The following CA10 variants were observed in gnomAD, a reference collection of about 807,000 sequenced individuals.
CA10 encodes carbonic anhydrase 10 (inactive).
Under a neutral mutation model 44.2 loss-of-function variants are expected in CA10, and 14 were observed. The ratio of observed to expected loss-of-function variants is 0.32; its 90% confidence interval spans 0.21 to 0.50. The LOEUF (loss-of-function observed/expected upper bound fraction) is 0.50, where lower values mean the gene tolerates loss of function less well. Ranked by LOEUF, CA10 falls within the 20% of genes least tolerant of loss-of-function variation. The probability of loss-of-function intolerance (pLI) is 0.99; values close to 1 mark genes in which losing one functional copy is unlikely to be tolerated. For missense variants in CA10, 350 were observed against 409.7 expected (o/e 0.85, Z 1.26); for synonymous variants, 159 against 141.6 (o/e 1.12, Z -0.87).
intron 1 of CA10, among the ~76,000 whole-genome samples, chr17:52,076,759 C>T (rs985473210): frequency 2.0e-5 from 3 of 152,128 alleles, no homozygotes; most frequent in Admixed American, 2.0e-4. Flanking sequence ...ATACAGGATT[C>T]TTATTTTAAC....
At chr17:51,811,783 T>C (rs534118846) in intron 3 of CA10, among the ~76,000 whole-genome samples, 43 of 152,370 alleles carry the variant, frequency 2.8e-4, no homozygotes, top group African/African-American at 9.6e-4. Context: ...TGATTTACTA[T>C]GATTTATTAG....
intron 1 of CA10, among the ~76,000 whole-genome samples, chr17:52,083,827 T>C (rs1297667750): frequency 1.3e-5 from 2 of 152,000 alleles, no homozygotes; most frequent in Admixed American, 6.6e-5. Flanking sequence ...TAGAGACTTA[T>C]GTTGATTCCA....
intron 1 of CA10, among the ~76,000 whole-genome samples, chr17:52,116,498 A>C (rs574106885): frequency 6.6e-6 from 1 of 152,176 alleles, no homozygotes; most frequent in Non-Finnish European, 1.5e-5. Flanking sequence ...AGGCCCCCCT[A>C]TTAACATGGG....
chr17:52,092,739 G>A (rs953329019), intron 1 of CA10, among the ~76,000 whole-genome samples: 6 of 152,136 alleles, frequency 3.9e-5, no homozygotes, highest in African/African-American at 1.4e-4. Context: ...AGAGTTTTCT[G>A]ATGTTGAGGA....
chr17:52,071,795 C>T (rs1176294277), intron 2 of CA10, among the ~76,000 whole-genome samples: 1 of 152,108 alleles, frequency 6.6e-6, no homozygotes, highest in Non-Finnish European at 1.5e-5. Flanking sequence ...AGGGACCCTC[C>T]ACCTTGCTTC....
At chr17:51,711,441 T>C (rs1216709275) in intron 4 of CA10, among the ~76,000 whole-genome samples, 1 of 152,216 alleles carries the variant, frequency 6.6e-6, no homozygotes, top group Non-Finnish European at 1.5e-5. Context: ...TGGTTTTGTT[T>C]AATTTTAGGA....
chr17:52,051,025 G>GA (rs1243656152), intron 2 of CA10, among the ~76,000 whole-genome samples: 1 of 149,690 alleles, frequency 6.7e-6, no homozygotes, highest in African/African-American at 2.5e-5. Flanking sequence ...ACGAAGGAAG[G>GA]AAGGAAGGGA....
chr17:51,995,903 A>T (rs571738316), intron 2 of CA10, among the ~76,000 whole-genome samples: 8 of 152,158 alleles, frequency 5.3e-5, no homozygotes, highest in African/African-American at 1.9e-4. Flanking sequence ...AAATAAATTC[A>T]TCTAAAGAGA....
chr17:52,011,130 T>C (rs1272042964), intron 2 of CA10, among the ~76,000 whole-genome samples: 1 of 152,016 alleles, frequency 6.6e-6, no homozygotes, highest in Non-Finnish European at 1.5e-5. Context: ...ATTTGAAGAA[T>C]GTTTGTTAAG....
chr17:51,732,713 A>G (rs1179958587), intron 4 of CA10, among the ~76,000 whole-genome samples: 1 of 152,190 alleles, frequency 6.6e-6, no homozygotes, highest in Non-Finnish European at 1.5e-5. Flanking sequence ...GGGGAAAACC[A>G]AATTTCTTCT....
In CA10 at chr17:51,964,771, A is replaced by T. The variant is rs1194675059; in HGVS notation, c.137-33639T>A. Among the ~76,000 whole-genome samples the T allele has an allele frequency of 2.6e-5, 4 of 152,022 alleles. No individual in the cohort carries two copies. In the East Asian group the frequency reaches 7.7e-4, roughly 29 times the overall value. On this transcript the variant is annotated intron_variant, in intron 2 of 8. Transcript: ENST00000451037. ...GCAGCAAAAACAGTGCTAAAAGGAAAGTTTAAAGCACTAAATCCCTACCTC... is the reference window on the plus strand; with the variant it reads ...GCAGCAAAAACAGTGCTAAAAGGAATGTTTAAAGCACTAAATCCCTACCTC...
intron 1 of CA10, among the ~76,000 whole-genome samples, chr17:52,083,757 G>A (rs188273429): frequency 8.6e-5 from 13 of 151,944 alleles, no homozygotes; most frequent in African/African-American, 3.1e-4. Flanking sequence ...TCTTTTTTAT[G>A]GCTGAGTAGT....
intron 4 of CA10, among the ~76,000 whole-genome samples, chr17:51,734,120 A>G (rs1916814620): frequency 6.9e-6 from 1 of 145,204 alleles, no homozygotes; most frequent in South Asian, 2.4e-4. Flanking sequence ...TAATTTCCCA[A>G]GATTTTACCT....
chr17:51,711,564 T>C (rs1298596482), intron 4 of CA10, among the ~76,000 whole-genome samples: 3 of 152,224 alleles, frequency 2.0e-5, no homozygotes, highest in Non-Finnish European at 4.4e-5. Flanking sequence ...TTCTGTTGGG[T>C]TCCTTTAGAC....
At chr17:51,729,950 T>C (rs573414031) in intron 4 of CA10, among the ~76,000 whole-genome samples, 2 of 152,310 alleles carry the variant, frequency 1.3e-5, no homozygotes, top group South Asian at 2.1e-4. Context: ...AGTACCACAA[T>C]AATTCTCATT....
chr17:51,752,113 A>T (rs116431270), intron 3 of CA10, among the ~76,000 whole-genome samples: 1 of 152,060 alleles, frequency 6.6e-6, no homozygotes, highest in Non-Finnish European at 1.5e-5. Flanking sequence ...TCCCATAGAT[A>T]CCGAAATAAC....
At chr17:51,882,066 CAAA>C (rs57495108) in intron 3 of CA10, among the ~76,000 whole-genome samples, 6 of 82,086 alleles carry the variant, frequency 7.3e-5, no homozygotes, top group Non-Finnish European at 8.5e-5. Context: ...GCAGTGGCAA[CAAA>C]AAAAAAAAAA....
At chr17:52,066,694 T>C (rs1246267633) in intron 2 of CA10, among the ~76,000 whole-genome samples, 1 of 152,202 alleles carries the variant, frequency 6.6e-6, no homozygotes, top group African/African-American at 2.4e-5. Context: ...GGTATGTCCT[T>C]ATTAGCAGCA....
At chr17:51,870,431 A>T (rs1040729751) in intron 3 of CA10, among the ~76,000 whole-genome samples, 1 of 152,262 alleles carries the variant, frequency 6.6e-6, no homozygotes. Flanking sequence ...TGTCATCAAA[A>T]CACTGGGTCA....
Sources: gnomAD v4.1 joint callset for allele counts (sites outside exome capture counted in the v4.1 genomes callset) on GRCh38, gnomAD v4.1.1 for gene constraint, MANE v1.5 for transcripts, NCBI Gene and HGNC (gene_info 2026-07-23, HGNC 2026-07-21) for gene names.